The following NRP2 variants were observed in gnomAD, a reference collection of about 807,000 sequenced individuals.
NRP2 encodes neuropilin 2, also known as neuropilin-2.
In NRP2, 52 loss-of-function variants were observed where a neutral mutation model predicts 110.4. The ratio of observed to expected loss-of-function variants is 0.47; its 90% CI spans 0.38 to 0.59. NRP2 has a LOEUF of 0.59. Ranked by LOEUF, NRP2 falls within the 20% of genes least tolerant of loss-of-function variation. The pLI is 0.00. For synonymous variants in NRP2, 508 were observed against 468.9 expected (o/e 1.08, Z -1.08); for missense variants, 1,049 against 1,203.0 (o/e 0.87, Z 1.89).
At chr2:205,782,133 A>T (rs1445863530) in intron 15 of NRP2, among the ~76,000 whole-genome samples, 1 of 152,190 alleles carries the variant, frequency 6.6e-6, no homozygotes, top group Non-Finnish European at 1.5e-5. Context: ...AGCCGAAGCC[A>T]TTCTTTCCCC....
In NRP2 at chr2:205,749,720, C is replaced by T. The variant is rs375441732; in HGVS notation, c.1787-5C>T. ...ATTCTCTTATCTTCCTTTGCCCTTA[C>T]ACAGACTCCAAGCCCACGGTAGAGA... is the stretch of plus-strand genomic sequence containing the variant. On this transcript the variant is annotated splice_polypyrimidine_tract_variant and splice_region_variant and intron_variant, in intron 10 of 16. Coordinates refer to ENST00000357785, the MANE Select transcript of NRP2 (RefSeq NM_003872.3). The T allele has an allele frequency of 5.6e-6, 9 of 1,612,794 alleles. No individual in the cohort carries two copies. Among genetic ancestry groups the T allele is most frequent in the Non-Finnish European group, 7.6e-6 (9 of 1,178,784 alleles).
chr2:205,705,618 A>G (rs966312771), intron 2 of NRP2, among the ~76,000 whole-genome samples: 14 of 152,132 alleles, frequency 9.2e-5, no homozygotes, highest in African/African-American at 3.4e-4. Context: ...CATTTATTGA[A>G]CTCTTGCCAG....
Position 205,794,929 on chromosome 2 carries a change from CT to C in NRP2, c.2653del (p.Cys885AlafsTer8). On this transcript the variant is annotated frameshift_variant, in exon 17 of 17. Transcript: ENST00000357785. LOFTEE classifies it high-confidence loss of function. ...GATCAGLLLY[C>X]TCSYSGLSSR... ...CCACCTGTGCAGGCCTCCTGCTCTACTGCACCTGTTCCTACTCGGGCCTGAG... is the reference window on the plus strand; with the variant it reads ...CCACCTGTGCAGGCCTCCTGCTCTACGCACCTGTTCCTACTCGGGCCTGAG... 1 of 1,614,212 alleles carries C rather than the reference CT, an allele frequency of 6.2e-7. No homozygotes were observed. Among genetic ancestry groups the C allele is most frequent in the East Asian group, 2.2e-5 (1 of 44,880 alleles).
intron 1 of NRP2, among the ~76,000 whole-genome samples, chr2:205,690,959 C>T (rs1472296320): frequency 6.6e-6 from 1 of 152,050 alleles, no homozygotes; most frequent in Non-Finnish European, 1.5e-5. Flanking sequence ...GAAACATTTG[C>T]ACTTAATAAC....
chr2:205,697,312 C>CTGTGTGAGTGTGTGTGTGTGTGTG (rs2056451252), intron 1 of NRP2, among the ~76,000 whole-genome samples: 1 of 137,862 alleles, frequency 7.3e-6, no homozygotes, highest in African/African-American at 2.9e-5. Flanking sequence ...ATACTTTCAT[C>CTGTGTGAGTGTGTGTGTGTGTGTG]TGTGTGTGTG....
Position 205,796,270 on chromosome 2 carries a change from AT to A in NRP2, c.*1215del, listed in dbSNP as rs2058350991. ...ACTTCTCCTTTGGGTTACAAACACCATTTCAACCTTTCGGGAGAGTCAGAGC... is the reference window on the plus strand; with the variant it reads ...ACTTCTCCTTTGGGTTACAAACACCATTCAACCTTTCGGGAGAGTCAGAGC... On this transcript the variant is annotated 3_prime_UTR_variant, in exon 17 of 17. Coordinates refer to ENST00000357785, the MANE Select transcript of NRP2 (RefSeq NM_003872.3). 6.6e-6 allele frequency: 1 copy of A among 152,260 alleles called. No individual in the cohort carries two copies. Among genetic ancestry groups the A allele is most frequent in the African/African-American group, 2.4e-5 (1 of 41,444 alleles). 9.4% of individuals were successfully genotyped at this position (152,260 alleles called of 1,614,324 possible).
intron 7 of NRP2, among the ~76,000 whole-genome samples, chr2:205,731,436 G>A (rs1316361030): frequency 6.6e-6 from 1 of 152,176 alleles, no homozygotes; most frequent in African/African-American, 2.4e-5. Context: ...AGAGCTCAGA[G>A]GCACAAGGTC....
At position 205,723,873 on chromosome 2, in the gene NRP2, G is replaced by A. The variant is rs566976336; in HGVS notation, c.753G>A (p.Thr251=). ...GGATCCTCTCCCTGACCTTTCACAC[G>A]GACATGGCGGTGGCCAAGGATGGCT... ...STGILSLTFH[T]DMAVAKDGFS... is the part of the protein sequence containing the mutation. Residue 251 remains threonine (T), a synonymous_variant, in exon 5 of 17, where the codon ACG becomes ACA. Transcript: ENST00000357785. The A allele has an allele frequency of 2.7e-5, 43 of 1,614,200 alleles. No individual in the cohort carries two copies. Among genetic ancestry groups the A allele is most frequent in the East Asian group, 2.0e-4 (9 of 44,878 alleles).
At chr2:205,709,110 G>A (rs1024447232) in intron 2 of NRP2, among the ~76,000 whole-genome samples, 1 of 152,228 alleles carries the variant, frequency 6.6e-6, no homozygotes, top group Non-Finnish European at 1.5e-5. Context: ...GCAGATGGAG[G>A]ACGGGTGGTT....
chr2:205,730,710 C>T (rs1054521329), intron 7 of NRP2, among the ~76,000 whole-genome samples: 6 of 152,064 alleles, frequency 3.9e-5, no homozygotes, highest in African/African-American at 1.4e-4. Context: ...TGCAGCATAC[C>T]AAAGACCAGG....
rs754461194 is a variant in NRP2, at chr2:205,722,570, A to G, written c.526A>G (p.Thr176Ala). The change falls in exon 4 of 17, where the codon ACC becomes GCC. Residue 176 changes from threonine (T) to alanine (A), a missense_variant. Physicochemically the swap from Thr to Ala is moderately conservative, Grantham distance 58. Transcript: ENST00000357785. The stretch of plus-strand genomic sequence containing the variant: ...GAAGTATCCACACAACTTGGACTGC[A>G]CCTTTACCATCCTGGCCAAACCCAA... ...PEKYPHNLDC[T>A]FTILAKPKME... The G allele has an allele frequency of 6.2e-7, 1 of 1,614,160 alleles. No individual in the cohort carries two copies. Among genetic ancestry groups the G allele is most frequent in the South Asian group, 1.1e-5 (1 of 91,080 alleles).
At position 205,795,806 on chromosome 2, in the gene NRP2, C is replaced by G. The variant is rs578206971; in HGVS notation, c.*748C>G. On this transcript the variant is annotated 3_prime_UTR_variant, in exon 17 of 17. Transcript: ENST00000357785. The stretch of plus-strand genomic sequence containing the variant: ...CTTCACACGTCAAAATCCATAGAAG[C>G]GCCTGGACGAGGCTTAAAGTGCTTT... 4 of 152,754 alleles carry G rather than the reference C, an allele frequency of 2.6e-5. No individual in the cohort carries two copies. The highest frequency in any genetic ancestry group is 4.1e-4 in the South Asian group (2 of 4,828). The allele number at this position is 152,754 out of a possible 1,614,324, so 9.5% of individuals were successfully genotyped here. A position where few individuals can be genotyped will look rare whatever the true frequency, so the allele number is the denominator to read the frequency against.
intron 12 of NRP2, chr2:205,756,921 A>G (rs2057743613): frequency 6.6e-6 from 1 of 152,212 alleles, no homozygotes; most frequent in Non-Finnish European, 1.5e-5. Flanking sequence ...GTAAGTAAAT[A>G]TTAATACTAA....
At chr2:205,726,255 C>T (rs1056876305) in intron 6 of NRP2, among the ~76,000 whole-genome samples, 173 bp downstream of exon 6, 4 of 152,242 alleles carry the variant, frequency 2.6e-5, no homozygotes, top group African/African-American at 9.6e-5. Flanking sequence ...GGGTTACATG[C>T]TGGCATACAC....
chr2:205,709,844 C>T (rs2105775772), intron 2 of NRP2, among the ~76,000 whole-genome samples: 1 of 152,260 alleles, frequency 6.6e-6, no homozygotes, highest in South Asian at 2.1e-4. Context: ...TGGGATGCTG[C>T]TTTCTCACTC....
chr2:205,770,953 C>T (rs1471928396), intron 15 of NRP2, among the ~76,000 whole-genome samples: 1 of 152,218 alleles, frequency 6.6e-6, no homozygotes, highest in South Asian at 2.1e-4. Context: ...GACACGTCCC[C>T]TCTCCATCAG....
intron 2 of NRP2, among the ~76,000 whole-genome samples, chr2:205,711,769 G>A (rs2056803560): frequency 6.6e-6 from 1 of 152,190 alleles, no homozygotes; most frequent in Non-Finnish European, 1.5e-5. Context: ...CCCCTTCCAA[G>A]TGGTTCTGTG....
chr2:205,760,168 C>T (rs768669098), intron 12 of NRP2, among the ~76,000 whole-genome samples: 3 of 152,158 alleles, frequency 2.0e-5, no homozygotes, highest in Non-Finnish European at 4.4e-5. Context: ...CCCGTGTGAT[C>T]GCGCACAGGC....
At chr2:205,752,689 A>G (rs2057667949) in intron 11 of NRP2, 146 bp from the exon 12 acceptor site, 1 of 849,064 alleles carries the variant, frequency 1.2e-6, no homozygotes, top group Non-Finnish European at 1.9e-6. Flanking sequence ...GCGATCGCCA[A>G]GATGAGTTAA....
Sources: allele counts gnomAD v4.1 joint callset (sites outside exome capture counted in the v4.1 genomes callset), GRCh38; gene constraint gnomAD v4.1.1; transcripts MANE v1.5; gene names NCBI Gene and HGNC (gene_info 2026-07-23, HGNC 2026-07-21).